The following NDC1 variants were observed in gnomAD, a reference collection of about 807,000 sequenced individuals.
NDC1 encodes the protein nucleoporin NDC1.
NDC1 carries 24 observed loss-of-function variants against 89.8 expected under a neutral mutation model. The observed-to-expected ratio is 0.27, with a 90% confidence interval of 0.19 to 0.38. The LOEUF (loss-of-function observed/expected upper bound fraction) is 0.38. NDC1 is among the 10% of genes least tolerant of loss of function. The probability of loss-of-function intolerance (pLI) is 1.00; values close to 1 mark genes in which losing one functional copy is unlikely to be tolerated. For synonymous variants in NDC1, 296 were observed against 284.8 expected (o/e 1.04, Z -0.39); for missense variants, 728 against 797.6 (o/e 0.91, Z 1.05).
rs926209384 is a variant in NDC1, at chr1:53,826,451, A to C, written c.456-515T>G. ...TCCTCCTTGTAGCTGAGTGGTATCC[A>C]CAGACAAGACTGCAGCTCCCAGGTG... is the stretch of plus-strand genomic sequence containing the variant. On this transcript the variant is annotated intron_variant, in intron 4 of 17. Coordinates refer to ENST00000371429, the MANE Select transcript of NDC1 (RefSeq NM_018087.5). 6.6e-5 allele frequency among the ~76,000 whole-genome samples: 10 copies of C among 152,130 alleles called. No individual in the cohort carries two copies. In the East Asian group the frequency reaches 1.9e-3, roughly 29 times the overall value.
intron 13 of NDC1, 139 bp downstream of exon 13, chr1:53,796,550 G>A: frequency 1.8e-6 from 1 of 541,672 alleles, no homozygotes; most frequent in South Asian, 3.3e-5. Flanking sequence ...TCAAATATTG[G>A]CTGTTTCATT....
At chr1:53,797,376 T>C (rs942787872) in intron 11 of NDC1, among the ~76,000 whole-genome samples, 29 of 151,218 alleles carry the variant, frequency 1.9e-4, no homozygotes, top group African/African-American at 2.7e-4. Flanking sequence ...TCTCTCTTTT[T>C]CCCCCCCCAT....
intron 14 of NDC1, among the ~76,000 whole-genome samples, chr1:53,790,230 T>C (rs1647442588): frequency 1.3e-5 from 2 of 151,382 alleles, no homozygotes; most frequent in Admixed American, 6.6e-5. Flanking sequence ...CTGGGCATGG[T>C]GGCACGTGCC....
intron 5 of NDC1, among the ~76,000 whole-genome samples, chr1:53,822,197 G>T (rs1648691521): frequency 6.6e-6 from 1 of 152,150 alleles, no homozygotes; most frequent in African/African-American, 2.4e-5. Flanking sequence ...AGTTGGGCGT[G>T]GTAGCGCACG....
intron 8 of NDC1, among the ~76,000 whole-genome samples, chr1:53,807,360 T>G (rs777949886): frequency 4.6e-5 from 7 of 151,822 alleles, no homozygotes; most frequent in Non-Finnish European, 7.4e-5. Context: ...CCATTTAGTA[T>G]GTACTCAGTA....
chr1:53,769,624 G>A (rs1015524908), intron 17 of NDC1, among the ~76,000 whole-genome samples: 1 of 152,210 alleles, frequency 6.6e-6, no homozygotes, highest in Non-Finnish European at 1.5e-5. Flanking sequence ...GAGCTCAAGA[G>A]CTAACTTCAT....
chr1:53,838,110 G>T, intron 1 of NDC1, 95 bp downstream of exon 1: 1 of 1,162,158 alleles, frequency 8.6e-7, no homozygotes, highest in South Asian at 1.4e-5. Context: ...GCTGCCCCGG[G>T]ACCGGCCCTC....
chr1:53,829,513 A>T (rs905553937), intron 3 of NDC1, among the ~76,000 whole-genome samples: 1 of 152,244 alleles, frequency 6.6e-6, no homozygotes, highest in Admixed American at 6.5e-5. Context: ...CTCCTATACA[A>T]GCTCTTACCA....
rs530309315 is a variant in NDC1, at chr1:53,803,869, C to A, written c.1066+59G>T. The A allele has an allele frequency of 2.1e-5, 28 of 1,330,480 alleles. 1 individual carries two copies. In the South Asian group the frequency reaches 3.2e-4, roughly 15 times the overall value. The allele number at this position is 1,330,480 out of a possible 1,614,324, so 82.4% of individuals were successfully genotyped here. ...TACAGGCTTGAGCCACCATGCCTGG[C>A]CAAGTGAATTACTTTCTACACACAT... On this transcript the variant is annotated intron_variant, in intron 10 of 17. Coordinates refer to ENST00000371429, the MANE Select transcript of NDC1 (RefSeq NM_018087.5).
intron 10 of NDC1, among the ~76,000 whole-genome samples, chr1:53,802,625 G>A (rs1055569771): frequency 6.6e-6 from 1 of 152,186 alleles, no homozygotes; most frequent in East Asian, 1.9e-4. Flanking sequence ...GTTACAGTGA[G>A]CTGTGATCAT....
At chr1:53,788,144 C>T (rs1647365521) in intron 15 of NDC1, among the ~76,000 whole-genome samples, 2 of 152,016 alleles carry the variant, frequency 1.3e-5, no homozygotes, top group African/African-American at 4.8e-5. Context: ...AAATATAAAA[C>T]TTAGCTGGGC....
chr1:53,814,342 A>T (rs900273534), intron 6 of NDC1, among the ~76,000 whole-genome samples: 1 of 152,034 alleles, frequency 6.6e-6, no homozygotes, highest in Admixed American at 6.5e-5. Flanking sequence ...GCAACAGAGC[A>T]AGACTCCGTC....
chr1:53,786,712 AAT>A (rs1183960702), intron 16 of NDC1, among the ~76,000 whole-genome samples: 2 of 152,006 alleles, frequency 1.3e-5, no homozygotes, highest in South Asian at 4.2e-4. Context: ...TGTTTTTTAA[AAT>A]AGAGACAGGG....
chr1:53,786,380 G>A (rs1455580194), intron 16 of NDC1, among the ~76,000 whole-genome samples: 2 of 152,104 alleles, frequency 1.3e-5, no homozygotes, highest in African/African-American at 4.8e-5. Context: ...TTTATTTTTT[G>A]CTCCTCTTTA....
chr1:53,808,369 G>A (rs1648184409), intron 7 of NDC1, among the ~76,000 whole-genome samples: 1 of 152,096 alleles, frequency 6.6e-6, no homozygotes, highest in African/African-American at 2.4e-5. Context: ...AACCAGGATT[G>A]GAACCTGACT....
intron 14 of NDC1, among the ~76,000 whole-genome samples, chr1:53,792,224 G>A (rs1647542003): frequency 1.3e-5 from 2 of 152,170 alleles, no homozygotes; most frequent in South Asian, 2.1e-4. Context: ...TTACAGGTGT[G>A]AGCCACCATG....
chr1:53,818,412 G>C (rs1648550049), intron 6 of NDC1, among the ~76,000 whole-genome samples: 1 of 151,158 alleles, frequency 6.6e-6, no homozygotes, highest in South Asian at 2.1e-4. Context: ...TTACGCTCCA[G>C]CCTGGGTGAC....
chr1:53,821,680 C>T (rs1473968025), intron 5 of NDC1, among the ~76,000 whole-genome samples: 1 of 152,170 alleles, frequency 6.6e-6, no homozygotes, highest in Non-Finnish European at 1.5e-5. Context: ...TTCAGAGAGG[C>T]TAGGGAAGCA....
At chr1:53,773,612 G>A (rs748934005) in intron 16 of NDC1, among the ~76,000 whole-genome samples, 3 of 152,174 alleles carry the variant, frequency 2.0e-5, no homozygotes, top group Non-Finnish European at 2.9e-5. Flanking sequence ...GATTACAGAC[G>A]AGCGGCTTCA....
Sources: gnomAD v4.1 joint callset for allele counts (sites outside exome capture counted in the v4.1 genomes callset) on GRCh38, gnomAD v4.1.1 for gene constraint, MANE v1.5 for transcripts, NCBI Gene and HGNC (gene_info 2026-07-23, HGNC 2026-07-21) for gene names.